Variants in TULP4 observed in about 807,000 individuals in gnomAD.
TULP4 encodes tubby-related protein 4.
Under a neutral mutation model 129.0 loss-of-function variants are expected in TULP4, and 16 were observed. That is an observed-to-expected ratio of 0.12 (90% CI 0.08 to 0.19). The LOEUF is 0.19. TULP4 is among the 10% of genes least tolerant of loss of function. The probability of loss-of-function intolerance (pLI) is 1.00; values close to 1 mark genes in which losing one functional copy is unlikely to be tolerated. For synonymous variants in TULP4, 998 were observed against 854.0 expected (o/e 1.17, Z -2.94); for missense variants, 1,842 against 2,059.1 (o/e 0.89, Z 2.04).
intron 1 of TULP4, among the ~76,000 whole-genome samples, chr6:158,306,304 C>T (rs1779215614): frequency 6.6e-6 from 1 of 152,176 alleles, no homozygotes; most frequent in Non-Finnish European, 1.5e-5. Context: ...CCTTTAATCC[C>T]AGTACTTTGG....
intron 1 of TULP4, among the ~76,000 whole-genome samples, chr6:158,258,393 T>C (rs1335244165): frequency 1.3e-5 from 2 of 152,234 alleles, no homozygotes; most frequent in African/African-American, 4.8e-5. Flanking sequence ...GCCAGCCCCA[T>C]GTTTTTCATA....
At chr6:158,240,017 A>T (rs1777836259) in intron 1 of TULP4, among the ~76,000 whole-genome samples, 3 of 112,028 alleles carry the variant, frequency 2.7e-5, no homozygotes, top group Admixed American at 2.6e-4. Flanking sequence ...TCCCTCCCGG[A>T]CGGGGCGGCT....
At chr6:158,380,424 G>A (rs1190776947) in intron 1 of TULP4, among the ~76,000 whole-genome samples, 1 of 152,174 alleles carries the variant, frequency 6.6e-6, no homozygotes, top group Non-Finnish European at 1.5e-5. Context: ...CAACTTTCAA[G>A]TAAAACAAAA....
chr6:158,250,251 G>T (rs935509088), intron 1 of TULP4, among the ~76,000 whole-genome samples: 1 of 151,534 alleles, frequency 6.6e-6, no homozygotes, highest in Non-Finnish European at 1.5e-5. Context: ...TCCGCCTCCC[G>T]AGTTCAAGCG....
intron 1 of TULP4, among the ~76,000 whole-genome samples, chr6:158,315,143 G>C (rs1020960130): frequency 5.9e-5 from 9 of 152,158 alleles, no homozygotes; most frequent in African/African-American, 1.9e-4. Context: ...TAAAGGAGCA[G>C]GAATTTTTTC....
At chr6:158,278,793 T>C (rs954436038), upstream of TULP4, among the ~76,000 whole-genome samples, 3 of 152,156 alleles carry the variant, frequency 2.0e-5, no homozygotes, top group African/African-American at 7.2e-5. Flanking sequence ...CTCCTATGTT[T>C]AGGGCACTGT....
At position 158,511,391 on chromosome 6, in the gene TULP4, T is replaced by TG. The variant is rs1780737617; in HGVS notation, c.*4697_*4698insG. Reference sequence around the variant, plus strand: ...TTACTACTGGCATTTTCTTTTTCCCTTTTTTTTTTTTTTAACCGTAAGTGC... The same window carrying TG: ...TTACTACTGGCATTTTCTTTTTCCCTGTTTTTTTTTTTTTAACCGTAAGTGC... On this transcript the variant is annotated 3_prime_UTR_variant, in exon 14 of 14. Coordinates refer to ENST00000367097, the MANE Select transcript of TULP4 (RefSeq NM_020245.5). 1.7e-3 allele frequency: 1 copy of TG among 582 alleles called. No homozygotes were observed. The highest frequency in any genetic ancestry group is 0.083 in the South Asian group (1 of 12). The allele number at this position is 582 out of a possible 1,614,324, so 0.0% of individuals were successfully genotyped here.
intron 1 of TULP4, among the ~76,000 whole-genome samples, chr6:158,404,561 A>G (rs341170): frequency 0.46 from 69,161 of 151,868 alleles, 16,673 homozygotes; most frequent in African/African-American, 0.62. Flanking sequence ...GTGGATCACA[A>G]GGTCACGAGT....
chr6:158,442,124 T>A (rs181333267), intron 3 of TULP4, among the ~76,000 whole-genome samples: 1 of 152,300 alleles, frequency 6.6e-6, no homozygotes, highest in Non-Finnish European at 1.5e-5. Context: ...CAGGTCCAGC[T>A]TGGCTTGTCT....
chr6:158,409,987 C>T (rs1192204398), intron 1 of TULP4, among the ~76,000 whole-genome samples: 1 of 152,070 alleles, frequency 6.6e-6, no homozygotes, highest in African/African-American at 2.4e-5. Context: ...TCCCGAGTAG[C>T]TGGGACTACA....
At position 158,503,563 on chromosome 6, in the gene TULP4, A is replaced by C. The variant is rs3749853; in HGVS notation, c.3900A>C (p.Gln1300His). 7.4e-6 allele frequency: 12 copies of C among 1,613,774 alleles called. No individual in the cohort carries two copies. Among genetic ancestry groups the C allele is most frequent in the South Asian group, 1.1e-5 (1 of 91,084 alleles). Reference protein sequence around the residue: ...PLVSPPPADLQSHLGTEVMVE... With the variant: ...PLVSPPPADLHSHLGTEVMVE... ...TGTCCCCACCACCTGCCGACCTCCA[A>C]AGCCACTTGGGCACAGAGGTGATGG... Residue 1300 changes from glutamine (Q) to histidine (H), a missense_variant, in exon 13 of 14, where the codon CAA (glutamine) becomes CAC (histidine). Gln to His is a conservative substitution (Grantham distance 24). Transcript: ENST00000367097. The surrounding 1 kb of genome is among the most constrained non-coding windows in gnomAD (Gnocchi z 4.3).
intron 1 of TULP4, among the ~76,000 whole-genome samples, chr6:158,401,796 A>G (rs1583838183): frequency 6.6e-6 from 1 of 151,046 alleles, no homozygotes; most frequent in Admixed American, 6.6e-5. Flanking sequence ...AGATGGATAC[A>G]ACACCTCCTC....
At chr6:158,241,918 A>G in intron 1 of TULP4, 6 of 776,238 alleles carry the variant, frequency 7.7e-6, no homozygotes, top group South Asian at 4.0e-5. Flanking sequence ...TATAGCTTGT[A>G]GTTGTTTCTT....
intron 3 of TULP4, among the ~76,000 whole-genome samples, chr6:158,434,000 T>A (rs1169247304): frequency 6.6e-6 from 1 of 152,234 alleles, no homozygotes; most frequent in Non-Finnish European, 1.5e-5. Context: ...TCATTTCTCC[T>A]GAGGCCTGTC....
intron 1 of TULP4, among the ~76,000 whole-genome samples, chr6:158,410,806 T>A (rs1165571617): frequency 1.3e-5 from 2 of 152,220 alleles, no homozygotes; most frequent in East Asian, 3.8e-4. Context: ...CAGGATTTTT[T>A]AAACTAAGCT....
intron 1 of TULP4, among the ~76,000 whole-genome samples, chr6:158,316,568 A>G (rs1188934932): frequency 2.6e-5 from 4 of 152,142 alleles, no homozygotes; most frequent in Admixed American, 6.6e-5. Flanking sequence ...CCCCCCCTCA[A>G]CACACACACA....
chr6:158,332,200 A>AATATATATATATATATAT (rs776893885), intron 1 of TULP4, among the ~76,000 whole-genome samples: 14 of 17,982 alleles, frequency 7.8e-4, no homozygotes, highest in Admixed American at 2.3e-3. Context: ...AAAAAAAAAA[A>AATATATATATATATATAT]ATATATATAT....
chr6:158,327,298 G>A (rs1221756651), intron 1 of TULP4, among the ~76,000 whole-genome samples: 2 of 152,116 alleles, frequency 1.3e-5, no homozygotes, highest in Non-Finnish European at 2.9e-5. Context: ...GTCTGCTTTA[G>A]TAACTTTTTT....
chr6:158,297,335 G>A (rs1204831916), intron 1 of TULP4, among the ~76,000 whole-genome samples: 2 of 152,038 alleles, frequency 1.3e-5, no homozygotes, highest in East Asian at 1.9e-4. Flanking sequence ...CCCTAAAATC[G>A]CTGTTATTCT....
Sources: gnomAD v4.1 joint callset for allele counts (sites outside exome capture counted in the v4.1 genomes callset) on GRCh38, gnomAD v4.1.1 for gene constraint, Gnocchi (gnomAD v3.1) non-coding constraint, MANE v1.5 for transcripts, NCBI Gene and HGNC (gene_info 2026-07-23, HGNC 2026-07-21) for gene names.